Variants in IL1RAP observed in about 807,000 individuals in gnomAD.
IL1RAP encodes the protein interleukin 1 receptor accessory protein.
A neutral mutation model predicts 60.7 loss-of-function variants in IL1RAP; 35 were observed. That is an observed-to-expected ratio of 0.58 (90% CI 0.44 to 0.76). IL1RAP has a LOEUF of 0.76. Ranked by LOEUF, IL1RAP falls within the 30% of genes least tolerant of loss-of-function variation. IL1RAP has a pLI of 0.00. For missense variants in IL1RAP, 572 were observed against 693.9 expected, an observed-to-expected ratio of 0.82 and a Z score of 1.97; for synonymous variants, 268 against 250.9, an observed-to-expected ratio of 1.07 and a Z score of -0.64.
At chr3:190,576,895 C>T (rs1727509704) in intron 3 of IL1RAP, among the ~76,000 whole-genome samples, 3 of 151,988 alleles carry the variant, frequency 2.0e-5, no homozygotes, top group South Asian at 4.1e-4. Context: ...GGGCGGATCA[C>T]GAGGTCAGGA....
At chr3:190,525,297 C>T (rs930313279) in intron 1 of IL1RAP, among the ~76,000 whole-genome samples, 10 of 152,166 alleles carry the variant, frequency 6.6e-5, no homozygotes, top group South Asian at 4.2e-4. Flanking sequence ...AAGTGATCTC[C>T]GAGAAACTGA....
intron 3 of IL1RAP, among the ~76,000 whole-genome samples, chr3:190,598,118 A>C (rs1231203593): frequency 6.6e-6 from 1 of 152,196 alleles, no homozygotes; most frequent in Admixed American, 6.5e-5. Flanking sequence ...GTTATAGGAA[A>C]GATACTAATT....
intron 9 of IL1RAP, among the ~76,000 whole-genome samples, chr3:190,633,515 C>T (rs1577789031): frequency 6.6e-6 from 1 of 152,026 alleles, no homozygotes; most frequent in African/African-American, 2.4e-5. Flanking sequence ...CACTACCATA[C>T]CCGGCTAATT....
chr3:190,616,462 A>G (rs1247202192), intron 5 of IL1RAP, among the ~76,000 whole-genome samples: 1 of 151,932 alleles, frequency 6.6e-6, no homozygotes, highest in Non-Finnish European at 1.5e-5. Context: ...CTCCTAACCC[A>G]GTGCCTGGCC....
chr3:190,561,289 G>A (rs1310590492), intron 2 of IL1RAP, among the ~76,000 whole-genome samples: 1 of 152,176 alleles, frequency 6.6e-6, no homozygotes, highest in African/African-American at 2.4e-5. Flanking sequence ...TTCTCTGAGA[G>A]GTTTCAGATC....
At chr3:190,521,117 T>C (rs1187391032) in intron 1 of IL1RAP, among the ~76,000 whole-genome samples, 1 of 152,200 alleles carries the variant, frequency 6.6e-6, no homozygotes, top group Non-Finnish European at 1.5e-5. Context: ...GGCTTATGCA[T>C]AGGGATTTTA....
At chr3:190,646,623 G>A (rs909181989) in intron 11 of IL1RAP, among the ~76,000 whole-genome samples, 2 of 151,876 alleles carry the variant, frequency 1.3e-5, no homozygotes, top group Non-Finnish European at 2.9e-5. Context: ...AAATATATAA[G>A]TTACATTCCC....
At chr3:190,620,564 A>G (rs1731691946) in intron 6 of IL1RAP, 124 bp downstream of exon 6, 6 of 833,856 alleles carry the variant, frequency 7.2e-6, no homozygotes, top group Middle Eastern at 2.7e-4. Flanking sequence ...TTTTGTTTAC[A>G]GTACTGTCTC....
intron 3 of IL1RAP, among the ~76,000 whole-genome samples, chr3:190,567,043 C>T (rs980157240): frequency 1.3e-5 from 2 of 152,180 alleles, no homozygotes; most frequent in African/African-American, 2.4e-5. Flanking sequence ...TGTTCTGAGT[C>T]CTTCCATGTG....
At chr3:190,615,320 T>C (rs1731171684) in intron 5 of IL1RAP, 3 of 1,282,140 alleles carry the variant, frequency 2.3e-6, no homozygotes, top group African/African-American at 1.5e-5. Context: ...TTTATTCACA[T>C]AGGAACCTCC....
downstream of IL1RAP, chr3:190,655,891 A>T: frequency 6.5e-7 from 1 of 1,535,238 alleles, no homozygotes; most frequent in Non-Finnish European, 8.7e-7. Context: ...TCCTATAGAT[A>T]CAGTGGAAGC....
At chr3:190,606,317 C>T (rs1014658717) in intron 4 of IL1RAP, among the ~76,000 whole-genome samples, 3 of 152,230 alleles carry the variant, frequency 2.0e-5, no homozygotes, top group Non-Finnish European at 4.4e-5. Flanking sequence ...CACTCTGCCA[C>T]TACTTAGCTG....
intron 1 of IL1RAP, among the ~76,000 whole-genome samples, chr3:190,548,767 G>A (rs181378717): frequency 6.6e-6 from 1 of 152,138 alleles, no homozygotes; most frequent in Non-Finnish European, 1.5e-5. Context: ...GCTGCAGAAG[G>A]GACCTGAGTC....
At position 190,608,979 on chromosome 3, in the gene IL1RAP, A is replaced by G. The variant is rs1248516956; in HGVS notation, c.351-16A>G. Reference sequence around the variant, plus strand: ...AATGCAAATACTACCCATTCATTGTATATTTCTTTTTTCAGGAACACTACA... The same window carrying G: ...AATGCAAATACTACCCATTCATTGTGTATTTCTTTTTTCAGGAACACTACA... On this transcript the variant is annotated splice_polypyrimidine_tract_variant and intron_variant, in intron 4 of 11. Coordinates refer to ENST00000447382, the MANE Select transcript of IL1RAP (RefSeq NM_002182.4). The G allele has an allele frequency of 4.4e-6, 7 of 1,603,900 alleles. No individual in the cohort carries two copies. Among genetic ancestry groups the G allele is most frequent in the African/African-American group, 2.7e-5 (2 of 74,596 alleles).
chr3:190,610,257 CT>C (rs1435752605), intron 5 of IL1RAP, among the ~76,000 whole-genome samples: 2 of 152,064 alleles, frequency 1.3e-5, no homozygotes, highest in African/African-American at 4.8e-5. Context: ...TTAGAAAATC[CT>C]TTTCTATTTT....
chr3:190,552,304 G>C (rs1724933745), intron 1 of IL1RAP, among the ~76,000 whole-genome samples: 1 of 152,132 alleles, frequency 6.6e-6, no homozygotes, highest in Non-Finnish European at 1.5e-5. Context: ...GTCCCTTGTT[G>C]TGCTTTGATT....
intron 3 of IL1RAP, among the ~76,000 whole-genome samples, chr3:190,601,079 G>A (rs1436057616): frequency 6.6e-6 from 1 of 152,128 alleles, no homozygotes; most frequent in African/African-American, 2.4e-5. Context: ...CTGCCTCCCG[G>A]GTTCAAGCAA....
intron 3 of IL1RAP, among the ~76,000 whole-genome samples, chr3:190,572,859 GTTTT>G (rs1200775636): frequency 1.0e-4 from 4 of 39,050 alleles, no homozygotes; most frequent in East Asian, 1.3e-3. Flanking sequence ...TTAATGCTTT[GTTTT>G]TTTTTTTTTT....
rs1734194016 is a variant in IL1RAP at position 190,648,479 on chromosome 3, T to C, written c.1487T>C (p.Ile496Thr). Residue 496 changes from isoleucine to threonine, a missense_variant, in exon 12 of 12, where the codon ATC becomes ACC. Physicochemically the swap from Ile to Thr is moderately conservative, Grantham distance 89 (BLOSUM62 -1). Transcript: ENST00000447382. ...GAAAATATGGCCTCTCGGGGCAACA[T>C]CAACGTCATTTTAGTACAGTACAAA... ...GLENMASRGN[I>T]NVILVQYKAV... is the part of the protein sequence containing the mutation. The C allele has an allele frequency of 2.5e-6, 4 of 1,614,038 alleles. No individual in the cohort carries two copies. Among genetic ancestry groups the C allele is most frequent in the Non-Finnish European group, 3.4e-6 (4 of 1,180,012 alleles).
Sources: allele counts gnomAD v4.1 joint callset (sites outside exome capture counted in the v4.1 genomes callset), GRCh38; gene constraint gnomAD v4.1.1; transcripts MANE v1.5; gene names NCBI Gene and HGNC (gene_info 2026-07-23, HGNC 2026-07-21).